DLGAP2: variants seen among roughly 807,000 people sequenced by gnomAD.
DLGAP2 encodes the protein DLG associated protein 2.
A neutral mutation model predicts 100.3 loss-of-function variants in DLGAP2; 26 were observed. That is an observed-to-expected ratio of 0.26 (90% CI 0.19 to 0.36). DLGAP2 has a LOEUF of 0.36. Ranked by LOEUF, DLGAP2 falls within the 10% of genes least tolerant of loss-of-function variation. The pLI is 1.00. For synonymous variants in DLGAP2, 886 were observed against 630.1 expected (o/e 1.41, Z -6.08); for missense variants, 1,858 against 1,453.2 (o/e 1.28, Z -4.53).
chr8:818,073 G>A (rs1260565830), intron 1 of DLGAP2, among the ~76,000 whole-genome samples: 6 of 152,074 alleles, frequency 3.9e-5, no homozygotes, highest in Non-Finnish European at 7.4e-5. Flanking sequence ...AAGATATTAT[G>A]ACCTCTGTTT....
chr8:1,502,524 T>G (rs1799758345), intron 4 of DLGAP2, among the ~76,000 whole-genome samples: 1 of 152,006 alleles, frequency 6.6e-6, no homozygotes, highest in Admixed American at 6.5e-5. Flanking sequence ...GAGTCCTAGA[T>G]TTGTTGCTAA....
At chr8:1,041,775 C>T (rs974896167) in intron 2 of DLGAP2, among the ~76,000 whole-genome samples, 1 of 130,324 alleles carries the variant, frequency 7.7e-6, no homozygotes, top group Admixed American at 8.0e-5. Context: ...CGTGGGTCTG[C>T]GGGAAATGTG....
At chr8:1,330,068 G>A (rs1801113513) in intron 3 of DLGAP2, among the ~76,000 whole-genome samples, 1 of 152,212 alleles carries the variant, frequency 6.6e-6, no homozygotes, top group Admixed American at 6.5e-5. Context: ...GTTTGTGGTG[G>A]GTCACAGTCC....
intron 2 of DLGAP2, among the ~76,000 whole-genome samples, chr8:981,115 G>C (rs1030132495): frequency 4.6e-5 from 7 of 152,164 alleles, no homozygotes; most frequent in Middle Eastern, 3.4e-3. Flanking sequence ...GTAACCTACT[G>C]TCTGTCTCTC....
Position 1,658,735 on chromosome 8 carries a change from C to T in DLGAP2, c.1811-9594C>T, listed in dbSNP as rs539140549. 9.2e-5 allele frequency among the ~76,000 whole-genome samples: 14 copies of T among 152,160 alleles called. No homozygotes were observed. In the East Asian group the frequency reaches 1.9e-3, roughly 21 times the overall value. On this transcript the variant is annotated intron_variant, in intron 8 of 14. Coordinates refer to ENST00000637795, the MANE Select transcript of DLGAP2 (RefSeq NM_001346810.2). The stretch of plus-strand genomic sequence containing the variant: ...TGTGTCTATTTGATTCTTCTCTCTT[C>T]GCTTCTTTATTAGTCTGGCTACCGG...
intron 3 of DLGAP2, among the ~76,000 whole-genome samples, chr8:1,364,616 A>C (rs1489444919): frequency 1.3e-5 from 2 of 152,124 alleles, no homozygotes; most frequent in African/African-American, 4.8e-5. Context: ...CCGCCTCTTC[A>C]GTGGTTCTGT....
intron 2 of DLGAP2, among the ~76,000 whole-genome samples, chr8:1,253,228 C>T (rs1289859134): frequency 3.3e-5 from 5 of 152,344 alleles, no homozygotes; most frequent in East Asian, 3.9e-4. Context: ...GCCAAGGCCC[C>T]GGGCTGTGTC....
At chr8:1,239,983 C>T (rs562648837) in intron 2 of DLGAP2, among the ~76,000 whole-genome samples, 1 of 142,148 alleles carries the variant, frequency 7.0e-6, no homozygotes, top group South Asian at 2.4e-4. Flanking sequence ...AGCGTCTTGT[C>T]TAGTTCTCTC....
At chr8:1,672,941 A>G (rs1798727404) in intron 10 of DLGAP2, among the ~76,000 whole-genome samples, 1 of 152,186 alleles carries the variant, frequency 6.6e-6, no homozygotes, top group Non-Finnish European at 1.5e-5. Flanking sequence ...ATTACTAGTG[A>G]GCGGTTCCTG....
chr8:1,367,639 G>C (rs1802137636), intron 3 of DLGAP2, among the ~76,000 whole-genome samples: 1 of 152,216 alleles, frequency 6.6e-6, no homozygotes, highest in Admixed American at 6.5e-5. Context: ...AAGCATTTTG[G>C]AAGGTAATTG....
intron 3 of DLGAP2, among the ~76,000 whole-genome samples, chr8:1,493,195 C>T (rs1042875394): frequency 1.3e-5 from 2 of 152,192 alleles, no homozygotes; most frequent in East Asian, 1.9e-4. Context: ...CAGATGGCTG[C>T]CTTCATCTCC....
intron 5 of DLGAP2, among the ~76,000 whole-genome samples, chr8:1,551,240 A>G (rs751851446): frequency 3.9e-5 from 6 of 152,236 alleles, no homozygotes; most frequent in East Asian, 1.9e-4. Flanking sequence ...ATCCAAATGT[A>G]AAAGTTGTGT....
At chr8:1,049,229 T>C (rs1163164043) in intron 2 of DLGAP2, among the ~76,000 whole-genome samples, 1 of 152,168 alleles carries the variant, frequency 6.6e-6, no homozygotes, top group Non-Finnish European at 1.5e-5. Flanking sequence ...TGTAATGAAA[T>C]GGCAAGTTTT....
At chr8:1,594,577 A>C (rs994348269) in intron 6 of DLGAP2, among the ~76,000 whole-genome samples, 2 of 152,068 alleles carry the variant, frequency 1.3e-5, no homozygotes, top group Admixed American at 6.5e-5. Flanking sequence ...AGAGTGAAGA[A>C]AGCTTACAGA....
intron 3 of DLGAP2, among the ~76,000 whole-genome samples, chr8:1,441,448 G>A (rs1324941929): frequency 6.6e-6 from 1 of 152,064 alleles, no homozygotes; most frequent in African/African-American, 2.4e-5. Context: ...ACAGCACTTT[G>A]GGAGGCCGAG....
At chr8:1,070,824 T>G (rs1167588983) in intron 2 of DLGAP2, among the ~76,000 whole-genome samples, 2 of 152,160 alleles carry the variant, frequency 1.3e-5, no homozygotes, top group Non-Finnish European at 2.9e-5. Flanking sequence ...CTGCGTATTC[T>G]GAGCTGGGCT....
intron 3 of DLGAP2, among the ~76,000 whole-genome samples, chr8:1,377,266 C>T (rs1043336949): frequency 6.6e-6 from 1 of 152,172 alleles, no homozygotes; most frequent in African/African-American, 2.4e-5. Context: ...GGTCTTCGGC[C>T]GAGCGCAGTG....
Position 880,833 on chromosome 8 carries a change from AT to A in DLGAP2, c.19-27074del, listed in dbSNP as rs531458620. 5.1e-3 allele frequency among the ~76,000 whole-genome samples: 776 copies of A among 152,308 alleles called. 5 individuals are homozygous for A. The highest frequency in any genetic ancestry group is 0.011 in the Admixed American group (170 of 15,290). On this transcript the variant is annotated intron_variant, in intron 1 of 14. Transcript: ENST00000637795. The stretch of plus-strand genomic sequence containing the variant: ...CGTTCATGGACTCAACGCAGATGTA[AT>A]TTTTGCTAAGAAGTTCCTCCCTCCT...
At chr8:1,450,859 T>G (rs929137682) in intron 3 of DLGAP2, among the ~76,000 whole-genome samples, 4 of 152,188 alleles carry the variant, frequency 2.6e-5, no homozygotes, top group Non-Finnish European at 4.4e-5. Flanking sequence ...AATCATAATA[T>G]TTATTTTAAA....
Sources: gnomAD v4.1 joint callset for allele counts (sites outside exome capture counted in the v4.1 genomes callset) on GRCh38, gnomAD v4.1.1 for gene constraint, MANE v1.5 for transcripts, NCBI Gene and HGNC (gene_info 2026-07-23, HGNC 2026-07-21) for gene names.